Variants in SNTB2 observed in about 807,000 individuals in gnomAD.
SNTB2 encodes syntrophin beta 2.
Under a neutral mutation model 46.2 loss-of-function variants are expected in SNTB2, and 34 were observed. The observed-to-expected ratio is 0.74, with a 90% CI of 0.56 to 0.98. The LOEUF (loss-of-function observed/expected upper bound fraction) is 0.98. SNTB2 is among the 50% of genes least tolerant of loss of function. SNTB2 has a pLI of 0.00. For synonymous variants in SNTB2, 290 were observed against 312.6 expected, an observed-to-expected ratio of 0.93 and a Z score of 0.76; for missense variants, 603 against 731.4, an observed-to-expected ratio of 0.82 and a Z score of 2.02.
rs869256985 is a variant in SNTB2, at chr16:69,250,981, G to GTT, written c.794+5180_794+5181dup. Among the ~76,000 whole-genome samples, 20 of 140,716 alleles carry GTT rather than the reference G, an allele frequency of 1.4e-4. 1 individual carries two copies. The highest frequency in any genetic ancestry group is 3.6e-4 in the Admixed American group (5 of 13,870). The allele number at this position is 140,716 out of a possible 152,430, so 92.3% of individuals were successfully genotyped here. A position where few individuals can be genotyped will look rare whatever the true frequency, so the allele number is the denominator to read the frequency against. ...AAAGGAAATATCCATTTGTTTATCT[G>GTT]TTTTTTTTTTTTTTTGAGACGGAGT... On this transcript the variant is annotated intron_variant, in intron 2 of 6. Coordinates refer to ENST00000336278, the MANE Select transcript of SNTB2 (RefSeq NM_006750.4).
chr16:69,210,293 A>T (rs1964269401), intron 1 of SNTB2, among the ~76,000 whole-genome samples: 1 of 152,040 alleles, frequency 6.6e-6, no homozygotes, highest in South Asian at 2.1e-4. Context: ...GCTGGAGTGC[A>T]GTGGCGCAGT....
intron 1 of SNTB2, among the ~76,000 whole-genome samples, chr16:69,209,037 G>A (rs999476475): frequency 1.3e-5 from 2 of 150,500 alleles, no homozygotes; most frequent in Non-Finnish European, 2.9e-5. Context: ...GAGTGCAGTC[G>A]CCCGATCTCA....
At chr16:69,213,144 G>A (rs911729585) in intron 1 of SNTB2, among the ~76,000 whole-genome samples, 2 of 151,822 alleles carry the variant, frequency 1.3e-5, no homozygotes, top group African/African-American at 4.8e-5. Flanking sequence ...GAGTAATAAC[G>A]TGCCCATTTT....
intron 5 of SNTB2, among the ~76,000 whole-genome samples, chr16:69,296,701 G>A (rs1431443815): frequency 1.4e-5 from 2 of 147,182 alleles, no homozygotes; most frequent in Non-Finnish European, 3.0e-5. Context: ...CAGCCTGGCC[G>A]ACAGAGAGAC....
At chr16:69,253,032 T>C (rs1486395125) in intron 2 of SNTB2, among the ~76,000 whole-genome samples, 1 of 151,706 alleles carries the variant, frequency 6.6e-6, no homozygotes, top group East Asian at 2.0e-4. Context: ...CCCAAGTAGC[T>C]GGGACTGCAG....
chr16:69,216,376 T>G (rs1266363650), intron 1 of SNTB2, among the ~76,000 whole-genome samples: 5 of 152,240 alleles, frequency 3.3e-5, no homozygotes, highest in African/African-American at 1.2e-4. Context: ...GTATTATGAT[T>G]TTATATATAA....
intron 3 of SNTB2, among the ~76,000 whole-genome samples, chr16:69,261,309 CTT>C (rs879629511): frequency 2.8e-5 from 4 of 141,656 alleles, no homozygotes; most frequent in African/African-American, 5.2e-5. Context: ...ATAGTTCTAA[CTT>C]TTTTTTTTTT....
chr16:69,187,766 AG>A lies in SNTB2; in HGVS notation c.580+23del. 1 of 118,086 alleles carries A rather than the reference AG, an allele frequency of 8.5e-6. No homozygotes were observed. The highest frequency in any genetic ancestry group is 1.4e-5 in the Non-Finnish European group (1 of 71,526). 7.3% of individuals were successfully genotyped at this position (118,086 alleles called of 1,614,324 possible). ...TGGAGGGTGAGCGGGGCCGGGCGGGAGGGTGGGCAGGCCGCGGCGGCCTGGG... is the reference window on the plus strand; with the variant it reads ...TGGAGGGTGAGCGGGGCCGGGCGGGAGGTGGGCAGGCCGCGGCGGCCTGGG... On this transcript the variant is annotated intron_variant, in intron 1 of 6. Coordinates refer to ENST00000336278, the MANE Select transcript of SNTB2 (RefSeq NM_006750.4).
intron 2 of SNTB2, among the ~76,000 whole-genome samples, chr16:69,257,221 C>G (rs1449918095): frequency 6.6e-6 from 1 of 151,066 alleles, no homozygotes; most frequent in African/African-American, 2.4e-5. Context: ...ACCTGCTATT[C>G]AAGATCCTCT....
At chr16:69,252,063 T>A (rs578202911) in intron 2 of SNTB2, among the ~76,000 whole-genome samples, 1 of 152,360 alleles carries the variant, frequency 6.6e-6, no homozygotes, top group South Asian at 2.1e-4. Context: ...AATATTTACC[T>A]TTGTGATGGG....
intron 2 of SNTB2, among the ~76,000 whole-genome samples, chr16:69,257,137 C>T (rs1314647019): frequency 6.7e-6 from 1 of 150,016 alleles, no homozygotes; most frequent in Admixed American, 6.7e-5. Flanking sequence ...TGCCACTGTA[C>T]TCCAGCCTGG....
chr16:69,247,594 A>G (rs915801126), intron 2 of SNTB2, among the ~76,000 whole-genome samples: 1 of 152,122 alleles, frequency 6.6e-6, no homozygotes, highest in East Asian at 1.9e-4. Flanking sequence ...GTTTGCTGGA[A>G]TGAACTGAGC....
At chr16:69,189,072 A>G (rs910966749) in intron 1 of SNTB2, among the ~76,000 whole-genome samples, 8 of 152,180 alleles carry the variant, frequency 5.3e-5, no homozygotes, top group Non-Finnish European at 1.0e-4. Flanking sequence ...ACTTGGCACA[A>G]TGGATTTTCA....
intron 5 of SNTB2, among the ~76,000 whole-genome samples, chr16:69,287,434 G>A (rs773830131): frequency 1.2e-4 from 18 of 151,978 alleles, no homozygotes; most frequent in Non-Finnish European, 2.1e-4. Context: ...GCCAGGAGTG[G>A]TGGCAGGCGC....
intron 3 of SNTB2, among the ~76,000 whole-genome samples, chr16:69,266,942 C>T (rs939433388): frequency 1.3e-5 from 2 of 152,124 alleles, no homozygotes; most frequent in Non-Finnish European, 2.9e-5. Flanking sequence ...AAGTGATCTG[C>T]CCACTTGGGC....
intron 1 of SNTB2, 99 bp downstream of exon 1, chr16:69,187,845 T>TC (rs1964009434): frequency 2.1e-6 from 2 of 948,014 alleles, no homozygotes; most frequent in African/African-American, 1.7e-5. Flanking sequence ...GCCGGTTCTC[T>TC]CCCCGTCTCT....
chr16:69,194,550 A>G (rs1358740149), intron 1 of SNTB2, among the ~76,000 whole-genome samples: 1 of 152,184 alleles, frequency 6.6e-6, no homozygotes, highest in East Asian at 1.9e-4. Flanking sequence ...TGGGATTTTG[A>G]TTAAAATTAT....
intron 1 of SNTB2, among the ~76,000 whole-genome samples, chr16:69,237,266 TA>T (rs1212692289): frequency 2.0e-5 from 3 of 151,838 alleles, no homozygotes; most frequent in Non-Finnish European, 4.4e-5. Flanking sequence ...ACTTAAAAAA[TA>T]AATGGCCAGA....
At chr16:69,199,571 G>A (rs1964139545) in intron 1 of SNTB2, among the ~76,000 whole-genome samples, 1 of 122,594 alleles carries the variant, frequency 8.2e-6, no homozygotes, top group Admixed American at 8.4e-5. Flanking sequence ...CTCCAGGTCT[G>A]GACAACAGAG....
Sources: gnomAD v4.1 joint callset for allele counts (sites outside exome capture counted in the v4.1 genomes callset) on GRCh38, gnomAD v4.1.1 for gene constraint, MANE v1.5 for transcripts, NCBI Gene and HGNC (gene_info 2026-07-23, HGNC 2026-07-21) for gene names.